AHI1: variants seen among roughly 807,000 people sequenced by gnomAD.
The protein encoded by AHI1 is Abelson helper integration site 1, also known as jouberin.
In AHI1, 123 loss-of-function variants were observed where a neutral mutation model predicts 149.3. That is an observed-to-expected ratio of 0.82 (90% CI 0.71 to 0.96). The LOEUF (loss-of-function observed/expected upper bound fraction) is 0.96. AHI1 is among the 40% of genes least tolerant of loss of function. The pLI is 0.00. For synonymous variants in AHI1, 475 were observed against 459.8 expected (o/e 1.03, Z -0.42); for missense variants, 1,439 against 1,422.7 (o/e 1.01, Z -0.18).
chr6:135,473,385 C>T (rs1792067271), intron 5 of AHI1, among the ~76,000 whole-genome samples: 1 of 152,078 alleles, frequency 6.6e-6, no homozygotes, highest in Admixed American at 6.5e-5. Context: ...AGTGTAATTC[C>T]AACTTTGTTC....
intron 20 of AHI1, among the ~76,000 whole-genome samples, chr6:135,411,788 G>C (rs1429930803): frequency 1.3e-5 from 2 of 152,064 alleles, no homozygotes; most frequent in African/African-American, 4.8e-5. Context: ...ACTGGGATGG[G>C]AGACTAACTT....
At chr6:135,297,346 C>T (rs1783233761) in intron 27 of AHI1, 1 of 442,628 alleles carries the variant, frequency 2.3e-6, no homozygotes, top group Non-Finnish European at 4.5e-6. Context: ...CCCCTCTCTT[C>T]ATAGCCGTAT....
chr6:135,475,834 G>T (rs1446169260), intron 5 of AHI1, among the ~76,000 whole-genome samples: 1 of 152,140 alleles, frequency 6.6e-6, no homozygotes, highest in Non-Finnish European at 1.5e-5. Flanking sequence ...GGGTATAACA[G>T]CTTTTGAGTC....
chr6:135,402,985 C>T (rs1256583938), intron 22 of AHI1, among the ~76,000 whole-genome samples: 1 of 152,014 alleles, frequency 6.6e-6, no homozygotes, highest in East Asian at 1.9e-4. Flanking sequence ...ATATATGTTA[C>T]AAATAGAGGA....
chr6:135,414,920 C>G (rs972086926), intron 20 of AHI1, among the ~76,000 whole-genome samples: 1 of 150,250 alleles, frequency 6.7e-6, no homozygotes, highest in Non-Finnish European at 1.5e-5. Flanking sequence ...CCCATTAACT[C>G]GTCATTTAGC....
chr6:135,393,054 C>T (rs1039489279), intron 23 of AHI1, among the ~76,000 whole-genome samples: 1 of 152,134 alleles, frequency 6.6e-6, no homozygotes, highest in African/African-American at 2.4e-5. Context: ...AATGGTCATG[C>T]TTCTGAGATA....
At chr6:135,449,056 C>G (rs1787691497) in intron 11 of AHI1, among the ~76,000 whole-genome samples, 1 of 152,010 alleles carries the variant, frequency 6.6e-6, no homozygotes, top group South Asian at 2.1e-4. Context: ...AGGTTTTTGT[C>G]TCTTTTTTTG....
At chr6:135,412,301 CAAAAACTATGACATTTTATGT>C (rs1035750736) in intron 20 of AHI1, among the ~76,000 whole-genome samples, 3 of 152,138 alleles carry the variant, frequency 2.0e-5, no homozygotes, top group African/African-American at 7.2e-5. Flanking sequence ...AGATTATATG[CAAAAACTATGACATTTTATGT>C]AAGTGACTTT....
intron 13 of AHI1, among the ~76,000 whole-genome samples, chr6:135,443,682 G>C (rs1445235058): frequency 6.6e-6 from 1 of 152,126 alleles, no homozygotes; most frequent in African/African-American, 2.4e-5. Context: ...AGATCTAGCA[G>C]TTCCTCTGGA....
At chr6:135,393,631 C>T (rs1778825612) in intron 23 of AHI1, among the ~76,000 whole-genome samples, 1 of 152,108 alleles carries the variant, frequency 6.6e-6, no homozygotes, top group African/African-American at 2.4e-5. Flanking sequence ...AGAAATTAAA[C>T]ATTTCTAAGG....
chr6:135,486,219 C>T (rs1422242274), intron 5 of AHI1, among the ~76,000 whole-genome samples: 1 of 152,094 alleles, frequency 6.6e-6, no homozygotes, highest in Non-Finnish European at 1.5e-5. Context: ...AAGGAAGAAC[C>T]TGTAGGCTAG....
chr6:135,334,859 T>G (rs2128402472), intron 24 of AHI1, among the ~76,000 whole-genome samples: 1 of 152,310 alleles, frequency 6.6e-6, no homozygotes. Context: ...CCTGGAAACT[T>G]GTTAGAAATG....
At chr6:135,403,717 T>C (rs1320034561) in intron 22 of AHI1, among the ~76,000 whole-genome samples, 1 of 152,212 alleles carries the variant, frequency 6.6e-6, no homozygotes, top group Non-Finnish European at 1.5e-5. Context: ...GGAGCTACAA[T>C]CATTACACCA....
At chr6:135,485,878 G>C (rs1794400056) in intron 5 of AHI1, among the ~76,000 whole-genome samples, 2 of 152,038 alleles carry the variant, frequency 1.3e-5, no homozygotes, top group Admixed American at 1.3e-4. Context: ...CACACCTGTA[G>C]TCCTAGCATT....
chr6:135,313,689 G>C (rs1229087038), intron 26 of AHI1, among the ~76,000 whole-genome samples: 1 of 152,194 alleles, frequency 6.6e-6, no homozygotes, highest in East Asian at 1.9e-4. Context: ...CCTAAGTAGA[G>C]TGGCACAGGC....
At position 135,283,981 on chromosome 6, in the gene AHI1, G is replaced by A. The variant is rs992629002; in HGVS notation, c.*1664C>T. On this transcript the variant is annotated 3_prime_UTR_variant, in exon 29 of 29. Coordinates refer to ENST00000265602, the MANE Select transcript of AHI1 (RefSeq NM_001134831.2). ...AACACATATCTCAAAATTATTAGCT[G>A]AAACTGCAGAGAAACAGATATTTTT... 4 of 152,090 alleles carry A rather than the reference G, an allele frequency of 2.6e-5. No homozygotes were observed. In the South Asian group the frequency reaches 8.3e-4, roughly 32 times the overall value. 9.4% of individuals were successfully genotyped at this position (152,090 alleles called of 1,614,324 possible). A position where few individuals can be genotyped will look rare whatever the true frequency, so the allele number is the denominator to read the frequency against.
intron 23 of AHI1, among the ~76,000 whole-genome samples, chr6:135,385,030 AGT>A (rs1310329797): frequency 6.6e-6 from 1 of 152,170 alleles, no homozygotes; most frequent in East Asian, 1.9e-4. Flanking sequence ...CAGAGGTTGC[AGT>A]GATCCGAGAT....
At chr6:135,319,450 G>T (rs888454009) in intron 25 of AHI1, among the ~76,000 whole-genome samples, 2 of 152,184 alleles carry the variant, frequency 1.3e-5, no homozygotes, top group African/African-American at 4.8e-5. Context: ...ACTCCAGCCT[G>T]GGAGACAGGG....
At chr6:135,302,280 C>G (rs879147173) in intron 26 of AHI1, 1 of 985,480 alleles carries the variant, frequency 1.0e-6, no homozygotes, top group Admixed American at 6.1e-5. Context: ...ATTAAGGGCT[C>G]TAATCAGAAA....
Sources: allele counts gnomAD v4.1 joint callset (sites outside exome capture counted in the v4.1 genomes callset), GRCh38; gene constraint gnomAD v4.1.1; transcripts MANE v1.5; gene names NCBI Gene and HGNC (gene_info 2026-07-23, HGNC 2026-07-21).